Variants in BNC2 observed in about 807,000 individuals in gnomAD.
The protein encoded by BNC2 is basonuclin zinc finger protein 2.
BNC2 carries 20 observed loss-of-function variants against 76.3 expected under a neutral mutation model. The ratio of observed to expected loss-of-function variants is 0.26; its 90% CI spans 0.18 to 0.38. The LOEUF is 0.38. BNC2 is among the 10% of genes least tolerant of loss of function. The pLI is 1.00. For missense variants in BNC2, 1,382 were observed against 1,399.8 expected (o/e 0.99, Z 0.20); for synonymous variants, 582 against 514.8 (o/e 1.13, Z -1.77).
chr9:16,749,571 A>G (rs1375274583), intron 1 of BNC2, among the ~76,000 whole-genome samples: 1 of 152,096 alleles, frequency 6.6e-6, no homozygotes, highest in Non-Finnish European at 1.5e-5. Flanking sequence ...GTGGTGGCAC[A>G]TGCCTGTGGT....
At chr9:16,595,074 C>T (rs1489580577) in intron 3 of BNC2, among the ~76,000 whole-genome samples, 1 of 151,828 alleles carries the variant, frequency 6.6e-6, no homozygotes, top group African/African-American at 2.4e-5. Flanking sequence ...AGAAAGTGAC[C>T]CAGCACAGTA....
chr9:16,660,315 G>A (rs753894741), intron 3 of BNC2, among the ~76,000 whole-genome samples: 19 of 152,242 alleles, frequency 1.2e-4, no homozygotes, highest in Admixed American at 5.9e-4. Context: ...TTAACCAGGC[G>A]TGGTGGCACA....
intron 5 of BNC2, among the ~76,000 whole-genome samples, chr9:16,515,984 G>A (rs1006429186): frequency 6.6e-6 from 1 of 150,708 alleles, no homozygotes; most frequent in African/African-American, 2.4e-5. Flanking sequence ...ATAAAAGGAA[G>A]AAGTCTTCTG....
intron 6 of BNC2, among the ~76,000 whole-genome samples, chr9:16,424,048 G>A (rs1339941687): frequency 1.3e-5 from 2 of 152,148 alleles, no homozygotes; most frequent in Non-Finnish European, 2.9e-5. Flanking sequence ...ACTTTACCAT[G>A]CAACCACAGA....
At chr9:16,781,401 G>A (rs1826151005) in intron 1 of BNC2, among the ~76,000 whole-genome samples, 1 of 152,110 alleles carries the variant, frequency 6.6e-6, no homozygotes, top group Non-Finnish European at 1.5e-5. Flanking sequence ...GGAGTGCAGT[G>A]GCGCAATCGT....
intron 5 of BNC2, among the ~76,000 whole-genome samples, chr9:16,523,511 G>C (rs1456221410): frequency 6.6e-6 from 1 of 150,452 alleles, no homozygotes; most frequent in Non-Finnish European, 1.5e-5. Flanking sequence ...AACAATTAAT[G>C]TCAGGTCCTA....
At chr9:16,575,267 A>T (rs899284964) in intron 4 of BNC2, 6 of 985,192 alleles carry the variant, frequency 6.1e-6, no homozygotes, top group Non-Finnish European at 7.2e-6. Context: ...CCTCCCATTC[A>T]TTCACCCGAA....
chr9:16,778,353 T>C (rs73646249), intron 1 of BNC2, among the ~76,000 whole-genome samples: 3,463 of 152,232 alleles, frequency 0.023, 118 homozygotes, highest in African/African-American at 0.079. Context: ...AGAGTCTTCA[T>C]GAAAACAGGA....
At chr9:16,818,141 A>T (rs554207155) in intron 1 of BNC2, among the ~76,000 whole-genome samples, 129 of 152,338 alleles carry the variant, frequency 8.5e-4, no homozygotes, top group Non-Finnish European at 1.6e-3. Flanking sequence ...ACGGTGGCTC[A>T]CGCCTGTAAT....
chr9:16,659,991 C>T (rs1822061532), intron 3 of BNC2, among the ~76,000 whole-genome samples: 2 of 152,322 alleles, frequency 1.3e-5, no homozygotes, highest in African/African-American at 4.8e-5. Flanking sequence ...CAGTTAATAT[C>T]TGTATTCAGC....
At chr9:16,442,918 C>T (rs920634329) in intron 5 of BNC2, among the ~76,000 whole-genome samples, 14 of 151,696 alleles carry the variant, frequency 9.2e-5, no homozygotes, top group African/African-American at 3.1e-4. Flanking sequence ...CCAGCCTGGC[C>T]AACACCATGA....
Position 16,784,549 on chromosome 9 carries a change from A to G in BNC2, c.4-46064T>C, listed in dbSNP as rs190756071. Among the ~76,000 whole-genome samples, 226 of 152,252 alleles carry G rather than the reference A, an allele frequency of 1.5e-3. 1 individual carries two copies. Among genetic ancestry groups the G allele is most frequent in the African/African-American group, 5.2e-3 (215 of 41,548 alleles). On this transcript the variant is annotated intron_variant, in intron 1 of 6. Coordinates refer to ENST00000380672, the MANE Select transcript of BNC2 (RefSeq NM_017637.6). Reference sequence around the variant, plus strand: ...AAGAGATGGAGGTAGAAAGGTAAGCAAGCCTACACTCAAGGAGGGATACTG... The same window carrying G: ...AAGAGATGGAGGTAGAAAGGTAAGCGAGCCTACACTCAAGGAGGGATACTG...
At chr9:16,836,914 A>T (rs1447777966) in intron 1 of BNC2, among the ~76,000 whole-genome samples, 2 of 152,202 alleles carry the variant, frequency 1.3e-5, no homozygotes, top group Admixed American at 6.5e-5. Flanking sequence ...TTATATTAAC[A>T]GTGACAACTA....
chr9:16,681,186 C>T (rs897905425), intron 3 of BNC2, among the ~76,000 whole-genome samples: 1 of 152,126 alleles, frequency 6.6e-6, no homozygotes, highest in African/African-American at 2.4e-5. Flanking sequence ...CCCAGAGTTA[C>T]GTCAAATTTT....
chr9:16,643,592 A>G (rs1821548112), intron 3 of BNC2, among the ~76,000 whole-genome samples: 1 of 152,072 alleles, frequency 6.6e-6, no homozygotes, highest in Admixed American at 6.6e-5. Flanking sequence ...ACCATATATG[A>G]TCTTAGGTCC....
intron 3 of BNC2, among the ~76,000 whole-genome samples, chr9:16,636,084 GTTCCTTGGACTAC>G (rs1821316781): frequency 6.6e-6 from 1 of 152,168 alleles, no homozygotes; most frequent in Non-Finnish European, 1.5e-5. Flanking sequence ...TCTTAGGAAT[GTTCCTTGGACTAC>G]TCCAGAATTT....
At chr9:16,815,379 G>T (rs1272552741) in intron 1 of BNC2, among the ~76,000 whole-genome samples, 3 of 152,238 alleles carry the variant, frequency 2.0e-5, no homozygotes. Flanking sequence ...GGCAGCAACA[G>T]GAAGGATGGA....
Position 16,727,956 on chromosome 9 carries a change from CTG to C in BNC2, c.169_170del (p.Gln57GlufsTer19). On this transcript the variant is annotated frameshift_variant, in exon 3 of 7. Coordinates refer to ENST00000380672, the MANE Select transcript of BNC2 (RefSeq NM_017637.6). LOFTEE classifies it high-confidence loss of function. ...TTGCCCTCTTTGGCTCTCTGTCTCT[CTG>C]TGTCTCTCTTTCTCTCACATCCACT... Reference protein sequence around the residue: ...AEVDVRERETQRDREPKRARD... With the variant: ...AEVDVRERETXRDREPKRARD... 6.2e-7 allele frequency: 1 copy of C among 1,614,082 alleles called. No homozygotes were observed. The highest frequency in any genetic ancestry group is 8.5e-7 in the Non-Finnish European group (1 of 1,180,008).
At chr9:16,687,009 C>T (rs780901648) in intron 3 of BNC2, among the ~76,000 whole-genome samples, 6 of 152,024 alleles carry the variant, frequency 3.9e-5, no homozygotes, top group East Asian at 1.9e-4. Flanking sequence ...GGGAATCTTA[C>T]GTGTAGATTA....
Sources: allele counts gnomAD v4.1 joint callset (sites outside exome capture counted in the v4.1 genomes callset), GRCh38; gene constraint gnomAD v4.1.1; transcripts MANE v1.5; gene names NCBI Gene and HGNC (gene_info 2026-07-23, HGNC 2026-07-21).